The following NTMT1 variants were observed in gnomAD, a reference collection of about 807,000 sequenced individuals.
NTMT1 encodes N-terminal RCC1 methyltransferase.
In NTMT1, 8 loss-of-function variants were observed where a neutral mutation model predicts 17.5. That is an observed-to-expected ratio of 0.46 (90% confidence interval 0.27 to 0.82). The LOEUF (loss-of-function observed/expected upper bound fraction) is 0.82, where lower values mean the gene tolerates loss of function less well. Among genes scored for constraint, NTMT1 ranks in the 40% least tolerant of loss-of-function variants. The pLI is 0.15. For missense variants in NTMT1, 221 were observed against 303.5 expected, an observed-to-expected ratio of 0.73 and a Z score of 2.02; for synonymous variants, 128 against 126.8, an observed-to-expected ratio of 1.01 and a Z score of -0.06.
intron 2 of NTMT1, among the ~76,000 whole-genome samples, 156 bp from the exon 3 acceptor site, chr9:129,633,898 G>A (rs935718697): frequency 6.6e-6 from 1 of 152,158 alleles, no homozygotes; most frequent in South Asian, 2.1e-4. Flanking sequence ...CCTCGACTCC[G>A]TACAAGCTGG....
chr9:129,632,435 G>T (rs1345907980), intron 1 of NTMT1, among the ~76,000 whole-genome samples: 1 of 152,160 alleles, frequency 6.6e-6, no homozygotes, highest in Non-Finnish European at 1.5e-5. Flanking sequence ...AAATGTAAAA[G>T]AACTTGAAGC....
intron 3 of NTMT1, chr9:129,634,574 A>G: frequency 2.4e-6 from 1 of 422,422 alleles, no homozygotes; most frequent in Non-Finnish European, 4.2e-6. Flanking sequence ...AAAAATTTTA[A>G]TGGCCAATAA....
chr9:129,616,073 T>G (rs1188913209), intron 1 of NTMT1, among the ~76,000 whole-genome samples: 2 of 152,142 alleles, frequency 1.3e-5, no homozygotes, highest in African/African-American at 4.8e-5. Context: ...CCTGACCCTT[T>G]TGAGCCTCAG....
At chr9:129,626,388 C>T (rs892009091) in intron 1 of NTMT1, 93 bp downstream of exon 1, 1 of 152,312 alleles carries the variant, frequency 6.6e-6, no homozygotes. Flanking sequence ...GGTCCCGGGT[C>T]CCCGGCTCGT....
chr9:129,631,764 G>A (rs1015182597), intron 1 of NTMT1, among the ~76,000 whole-genome samples: 1 of 152,166 alleles, frequency 6.6e-6, no homozygotes, highest in Non-Finnish European at 1.5e-5. Context: ...CCATCCATCG[G>A]TTTCAGCTTA....
Position 129,635,065 on chromosome 9 carries a change from G to A in NTMT1, c.416-143G>A, listed in dbSNP as rs375493024. ...TGAATTGGGGTTTAGTAAATCTCTC[G>A]GGACTGAGAGCCAATGAGGCCATGT... On this transcript the variant is annotated intron_variant, in intron 3 of 3. Transcript: ENST00000372483. The A allele has an allele frequency of 3.2e-4, 296 of 930,580 alleles. 4 individuals are homozygous for A. The African/African-American group carries it at 4.0e-3, about 13-fold the overall frequency. 57.6% of individuals were successfully genotyped at this position (930,580 alleles called of 1,614,324 possible). A position where few individuals can be genotyped will look rare whatever the true frequency, so the allele number is the denominator to read the frequency against.
Position 129,634,202 on chromosome 9 carries a change from T to A in NTMT1, c.311T>A (p.Leu104Gln), listed in dbSNP as rs754279912. ...TTCCTGGTTCAAGCCAAGACCTACCTGGGGGAGGAGGGCAAGAGGGTGAGG... is the reference window on the plus strand; with the variant it reads ...TTCCTGGTTCAAGCCAAGACCTACCAGGGGGAGGAGGGCAAGAGGGTGAGG... ...EDFLVQAKTYLGEEGKRVRNY... is the reference protein window; with the variant it reads ...EDFLVQAKTYQGEEGKRVRNY... The change falls in exon 3 of 4, where the codon CTG becomes CAG. Residue 104 changes from leucine (L) to glutamine (Q), a missense_variant. Transcript: ENST00000372483. 4 of 1,614,086 alleles carry A rather than the reference T, an allele frequency of 2.5e-6. No homozygotes were observed. Among genetic ancestry groups the A allele is most frequent in the Non-Finnish European group, 3.4e-6 (4 of 1,180,004 alleles).
In NTMT1 at chr9:129,614,012, C is replaced by T. The variant is rs1830225324; in HGVS notation, c.-55+4834C>T. On this transcript the variant is annotated intron_variant, in intron 1 of 3. Coordinates refer to the NTMT1 transcript ENST00000372486. The surrounding 1 kb of genome is among the most constrained non-coding windows in gnomAD (Gnocchi z 4.4). The stretch of plus-strand genomic sequence containing the variant: ...GACCCTGAGTTCCCCAATGGCTGCC[C>T]CAGGATGGAAAGGGCTGGGAAGCAG... Among the ~76,000 whole-genome samples the T allele has an allele frequency of 6.6e-6, 1 of 152,176 alleles. No homozygotes were observed. The highest frequency in any genetic ancestry group is 2.4e-5 in the African/African-American group (1 of 41,440).
intron 1 of NTMT1, among the ~76,000 whole-genome samples, chr9:129,609,512 A>G (rs904086249): frequency 2.4e-4 from 37 of 152,212 alleles, no homozygotes; most frequent in Middle Eastern, 3.4e-3. Context: ...CCTCCCTGAC[A>G]TGCTGCTTCC....
rs769327680 is a variant in NTMT1, at chr9:129,613,191, G to A, written c.-55+4013G>A. ...CAGCGGCCTTCTTCCATGAACAGAA[G>A]GGCAGGCTGCTGTTCATGGAGGTGT... On this transcript the variant is annotated intron_variant, in intron 1 of 3. Coordinates refer to the NTMT1 transcript ENST00000372486. The surrounding 1 kb of genome is among the most constrained non-coding windows in gnomAD (Gnocchi z 6.2). 9.3e-6 allele frequency: 15 copies of A among 1,613,698 alleles called. No homozygotes were observed. Among genetic ancestry groups the A allele is most frequent in the Non-Finnish European group, 1.1e-5 (13 of 1,180,014 alleles).
chr9:129,634,144 A>G lies in NTMT1; in HGVS notation c.253A>G (p.Arg85Gly). The G allele has an allele frequency of 1.9e-6, 3 of 1,614,166 alleles. No individual in the cohort carries two copies. Among genetic ancestry groups the G allele is most frequent in the African/African-American group, 1.3e-5 (1 of 75,034 alleles). ...ITKRLLLPLFREVDMVDITED... is the reference protein window; with the variant it reads ...ITKRLLLPLFGEVDMVDITED... ...CAAGCGGCTGCTCCTGCCGCTGTTC[A>G]GAGAGGTGGATATGGTCGACATAAC... The change falls in exon 3 of 4, where the codon AGA becomes GGA. Residue 85 changes from arginine to glycine, a missense_variant. Physicochemically the swap from Arg to Gly is moderately radical, Grantham distance 125. Coordinates refer to ENST00000372483, the MANE Select transcript of NTMT1 (RefSeq NM_014064.4).
chr9:129,619,447 G>A (rs185973798), intron 1 of NTMT1: 3 of 1,081,496 alleles, frequency 2.8e-6, no homozygotes, highest in East Asian at 2.4e-5. Context: ...ATTCATGGGC[G>A]AAAGAGGAAA....
upstream of NTMT1, among the ~76,000 whole-genome samples, chr9:129,623,138 C>T (rs1830787506): frequency 6.6e-6 from 1 of 152,050 alleles, no homozygotes; most frequent in Admixed American, 6.6e-5. Context: ...TCGAGACCAT[C>T]CTGGCTAACA....
Position 129,620,684 on chromosome 9 carries a change from C to CACT in NTMT1, c.-55+11507_-55+11508insCTA. The CACT allele has an allele frequency of 1.9e-6, 2 of 1,050,706 alleles. No individual in the cohort carries two copies. Among genetic ancestry groups the CACT allele is most frequent in the Non-Finnish European group, 2.4e-6 (2 of 822,984 alleles). 65.1% of individuals were successfully genotyped at this position (1,050,706 alleles called of 1,614,324 possible). Reference sequence around the variant, plus strand: ...CCAGGCCATAGTGCCCCGGGCGGGGCAGCGCGGTGCGGGGTGAACGCCACC... The same window carrying CACT: ...CCAGGCCATAGTGCCCCGGGCGGGGCACTAGCGCGGTGCGGGGTGAACGCCACC... On this transcript the variant is annotated intron_variant, in intron 1 of 3. Coordinates refer to the NTMT1 transcript ENST00000372486. The surrounding 1 kb of genome is among the most constrained non-coding windows in gnomAD (Gnocchi z 5.8).
intron 3 of NTMT1, 36 bp downstream of exon 3, chr9:129,634,342 T>C (rs748799763): frequency 1.3e-6 from 2 of 1,555,548 alleles, no homozygotes; most frequent in Non-Finnish European, 1.7e-6. Context: ...CTCACCTGTA[T>C]GTCTCCTGCC....
chr9:129,631,688 G>A lies in NTMT1; in HGVS notation c.-54-962G>A, dbSNP rs753658356. Among the ~76,000 whole-genome samples the A allele has an allele frequency of 5.1e-4, 78 of 152,310 alleles. 1 individual carries two copies. The highest frequency in any genetic ancestry group is 8.4e-4 in the Non-Finnish European group (57 of 68,022). Reference sequence around the variant, plus strand: ...TGTGAGACCAGGAACTGGCAGCCGCGAGGGCTGTCTGTCCTTCCCTCCAGG... The same window carrying A: ...TGTGAGACCAGGAACTGGCAGCCGCAAGGGCTGTCTGTCCTTCCCTCCAGG... On this transcript the variant is annotated intron_variant, in intron 1 of 3. Coordinates refer to ENST00000372483, the MANE Select transcript of NTMT1 (RefSeq NM_014064.4).
chr9:129,621,890 GGCT>G (rs2118899951), upstream of NTMT1, among the ~76,000 whole-genome samples: 1 of 152,282 alleles, frequency 6.6e-6, no homozygotes, highest in East Asian at 1.9e-4. Context: ...TCTACAGGCA[GGCT>G]GTAGAGCCCA....
rs375041907 is a variant in NTMT1 at position 129,635,272 on chromosome 9, C to T, written c.480C>T (p.Asn160=). 43 of 1,613,380 alleles carry T rather than the reference C, an allele frequency of 2.7e-5. No homozygotes were observed. Among genetic ancestry groups the T allele is most frequent in the Non-Finnish European group, 3.4e-5 (40 of 1,180,020 alleles). ...GCTGCAAGGGCAGCCTCCGCCCCAA[C>T]GGCATCATCGTCATCAAAGACAACA... is the stretch of plus-strand genomic sequence containing the variant. ...LRRCKGSLRP[N]GIIVIKDNMA... The change falls in exon 4 of 4, where the codon AAC becomes AAT. Residue 160 remains asparagine, a synonymous_variant. Coordinates refer to ENST00000372483, the MANE Select transcript of NTMT1 (RefSeq NM_014064.4).
upstream of NTMT1, among the ~76,000 whole-genome samples, chr9:129,623,401 A>C (rs1250290533): frequency 1.3e-5 from 2 of 151,890 alleles, no homozygotes; most frequent in African/African-American, 4.8e-5. Flanking sequence ...TTTCAAGTCC[A>C]TGGTCTGCTG....
Sources: gnomAD v4.1 joint callset for allele counts (sites outside exome capture counted in the v4.1 genomes callset) on GRCh38, gnomAD v4.1.1 for gene constraint, Gnocchi (gnomAD v3.1) non-coding constraint, MANE v1.5 for transcripts, NCBI Gene and HGNC (gene_info 2026-07-23, HGNC 2026-07-21) for gene names.